The following BBS9 variants were observed in gnomAD, a reference collection of about 807,000 sequenced individuals.
The protein encoded by BBS9 is protein PTHB1.
Under a neutral mutation model 117.7 loss-of-function variants are expected in BBS9, and 89 were observed. The observed-to-expected ratio is 0.76, with a 90% CI of 0.64 to 0.90. The LOEUF (loss-of-function observed/expected upper bound fraction) is 0.90. BBS9 is among the 40% of genes least tolerant of loss of function. The pLI is 0.00. For synonymous variants in BBS9, 379 were observed against 370.9 expected, an observed-to-expected ratio of 1.02 and a Z score of -0.25; for missense variants, 982 against 1,042.2, an observed-to-expected ratio of 0.94 and a Z score of 0.80.
chr7:33,532,394 G>C (rs1232049537), intron 20 of BBS9, among the ~76,000 whole-genome samples: 1 of 152,170 alleles, frequency 6.6e-6, no homozygotes, highest in Non-Finnish European at 1.5e-5. Flanking sequence ...GGAAATACCT[G>C]AAACTGGGTA....
chr7:33,358,183 G>A (rs564361636), intron 16 of BBS9, among the ~76,000 whole-genome samples, 188 bp downstream of exon 16: 1 of 151,614 alleles, frequency 6.6e-6, no homozygotes, highest in South Asian at 2.1e-4. Flanking sequence ...AAGGTAATAA[G>A]GTATTCCTTT....
downstream of BBS9, among the ~76,000 whole-genome samples, chr7:33,608,688 C>T (rs1371555672): frequency 1.3e-5 from 2 of 151,902 alleles, no homozygotes; most frequent in Admixed American, 1.3e-4. Flanking sequence ...GTCTTTTGCA[C>T]ATTTTTAAAT....
At position 33,152,783 on chromosome 7, in the gene BBS9, C is replaced by T. The variant is rs373063776; in HGVS notation, c.195C>T (p.Ala65=). ...HPAKTGDGAQ[A]EDLLLEVDLR... ...CAAAAACAGGAGATGGAGCTCAAGCCGAAGATTTGCTTCTAGAAGTGGATC... is the reference window on the plus strand; with the variant it reads ...CAAAAACAGGAGATGGAGCTCAAGCTGAAGATTTGCTTCTAGAAGTGGATC... Residue 65 remains alanine (A), a synonymous_variant, in exon 3 of 23, where the codon GCC becomes GCT. Coordinates refer to ENST00000242067, the MANE Select transcript of BBS9 (RefSeq NM_198428.3). 177 of 1,613,392 alleles carry T rather than the reference C, an allele frequency of 1.1e-4. No individual in the cohort carries two copies. The highest frequency in any genetic ancestry group is 3.3e-4 in the Middle Eastern group (2 of 6,082).
chr7:33,345,853 T>C (rs757190229), intron 12 of BBS9, among the ~76,000 whole-genome samples: 2 of 152,176 alleles, frequency 1.3e-5, no homozygotes, highest in Non-Finnish European at 2.9e-5. Context: ...TAAGAGATCT[T>C]GTGCCTTAAC....
In BBS9 at chr7:33,468,056, T is replaced by G. The variant is rs541725610; in HGVS notation, c.2116-37407T>G. On this transcript the variant is annotated intron_variant, in intron 19 of 22. Coordinates refer to ENST00000242067, the MANE Select transcript of BBS9 (RefSeq NM_198428.3). Reference sequence around the variant, plus strand: ...TCTAAAAGTTGAAGTGATTATTTATTTTTTAGGGAAAAATTTAGCTACTGG... The same window carrying G: ...TCTAAAAGTTGAAGTGATTATTTATGTTTTAGGGAAAAATTTAGCTACTGG... Among the ~76,000 whole-genome samples the G allele has an allele frequency of 2.3e-3, 346 of 152,282 alleles. 1 individual carries two copies. Among genetic ancestry groups the G allele is most frequent in the African/African-American group, 8.0e-3 (333 of 41,558 alleles).
At chr7:33,535,636 A>G (rs1851248976) in intron 21 of BBS9, among the ~76,000 whole-genome samples, 1 of 152,112 alleles carries the variant, frequency 6.6e-6, no homozygotes, top group African/African-American at 2.4e-5. Context: ...TCTTCTGTCC[A>G]CTGTTACAGG....
chr7:33,401,279 C>T (rs1828873059), intron 19 of BBS9, among the ~76,000 whole-genome samples: 1 of 152,154 alleles, frequency 6.6e-6, no homozygotes, highest in Admixed American at 6.5e-5. Context: ...GGACCATTTC[C>T]CTCCATCTTT....
chr7:33,272,421 C>T (rs1461933775), intron 7 of BBS9, among the ~76,000 whole-genome samples: 2 of 152,098 alleles, frequency 1.3e-5, no homozygotes, highest in Non-Finnish European at 2.9e-5. Context: ...TGTCTTTGCT[C>T]TTTTGCATTT....
At chr7:33,205,327 C>T (rs1786696130) in intron 5 of BBS9, among the ~76,000 whole-genome samples, 1 of 152,294 alleles carries the variant, frequency 6.6e-6, no homozygotes. Context: ...ACCTCCCTCT[C>T]TAGACCTCCT....
rs536589133 is a variant in BBS9 at position 33,332,779 on chromosome 7, C to T, written c.1017-3662C>T. On this transcript the variant is annotated intron_variant, in intron 9 of 22. Coordinates refer to ENST00000242067, the MANE Select transcript of BBS9 (RefSeq NM_198428.3). ...ACAAATTACATACTATATTATCATT[C>T]TTGATACAGCTTTTTGAAATTTATT... Among the ~76,000 whole-genome samples, 6 of 152,294 alleles carry T rather than the reference C, an allele frequency of 3.9e-5. No homozygotes were observed. In the East Asian group the frequency reaches 7.7e-4, roughly 20 times the overall value.
intron 20 of BBS9, among the ~76,000 whole-genome samples, chr7:33,518,245 C>CTTTTTTT (rs747829401): frequency 5.1e-4 from 48 of 93,928 alleles, no homozygotes; most frequent in Non-Finnish European, 6.6e-4. Context: ...TGTATATATT[C>CTTTTTTT]TTTTTTTTTT....
intron 21 of BBS9, among the ~76,000 whole-genome samples, chr7:33,619,493 T>A (rs1303981720): frequency 6.6e-6 from 1 of 152,016 alleles, no homozygotes; most frequent in Non-Finnish European, 1.5e-5. Flanking sequence ...TGAACAAAAC[T>A]AGTGACCAAG....
intron 19 of BBS9, among the ~76,000 whole-genome samples, chr7:33,409,702 A>G (rs1240274562): frequency 6.6e-6 from 1 of 152,172 alleles, no homozygotes; most frequent in Non-Finnish European, 1.5e-5. Flanking sequence ...AATTATAGTC[A>G]TTCTAGTAGG....
chr7:33,209,568 G>A (rs1212563955), intron 5 of BBS9, among the ~76,000 whole-genome samples: 1 of 152,184 alleles, frequency 6.6e-6, no homozygotes, highest in East Asian at 1.9e-4. Flanking sequence ...AATAGTGTTA[G>A]AAGGTTCCCT....
At chr7:33,457,298 A>T (rs1563202319) in intron 19 of BBS9, among the ~76,000 whole-genome samples, 6 of 152,224 alleles carry the variant, frequency 3.9e-5, no homozygotes, top group Non-Finnish European at 8.8e-5. Flanking sequence ...AACGTCAAGA[A>T]TGAAATAAAT....
At chr7:33,413,376 A>C (rs1384251215) in intron 19 of BBS9, among the ~76,000 whole-genome samples, 1 of 152,136 alleles carries the variant, frequency 6.6e-6, no homozygotes, top group African/African-American at 2.4e-5. Context: ...TTTTCTTAAG[A>C]TAGGTTTCTA....
intron 21 of BBS9, among the ~76,000 whole-genome samples, chr7:33,573,528 G>A (rs1469028687): frequency 6.6e-6 from 1 of 151,986 alleles, no homozygotes; most frequent in Non-Finnish European, 1.5e-5. Context: ...CCAATTTATG[G>A]ATATACCATA....
At chr7:33,140,000 C>T (rs1791185511) in intron 1 of BBS9, among the ~76,000 whole-genome samples, 1 of 151,874 alleles carries the variant, frequency 6.6e-6, no homozygotes, top group Non-Finnish European at 1.5e-5. Flanking sequence ...AGTGAATGCC[C>T]CTGTTAAGCT....
rs553789888 is a variant in BBS9 at position 33,474,330 on chromosome 7, G to A, written c.2116-31133G>A. ...ATACATACACTAAAACAGACTTAAG[G>A]CAATTAAAAACTTCTGTGGTTATTT... On this transcript the variant is annotated intron_variant, in intron 19 of 22. Transcript: ENST00000242067. Among the ~76,000 whole-genome samples the A allele has an allele frequency of 5.3e-5, 8 of 152,238 alleles. No homozygotes were observed. In the East Asian group the frequency reaches 7.7e-4, roughly 15 times the overall value.
Sources: gnomAD v4.1 joint callset for allele counts (sites outside exome capture counted in the v4.1 genomes callset) on GRCh38, gnomAD v4.1.1 for gene constraint, MANE v1.5 for transcripts, NCBI Gene and HGNC (gene_info 2026-07-23, HGNC 2026-07-21) for gene names.